Variants in OTOF observed in about 807,000 individuals in gnomAD.
The protein encoded by OTOF is otoferlin, also known as fer-1-like family member 2.
In OTOF, 218 loss-of-function variants were observed where a neutral mutation model predicts 236.8. The observed-to-expected ratio is 0.92, with a 90% CI of 0.82 to 1.03. The LOEUF (loss-of-function observed/expected upper bound fraction) is 1.03. Ranked by LOEUF, OTOF falls within the 50% of genes least tolerant of loss-of-function variation. The pLI, the probability that OTOF is intolerant of heterozygous loss-of-function variation, is 0.00. For missense variants in OTOF, 2,590 were observed against 2,694.4 expected (o/e 0.96, Z 0.86); for synonymous variants, 1,041 against 1,072.5 (o/e 0.97, Z 0.57).
At chr2:26,463,416 T>C (rs1325507518) in intron 41 of OTOF, 67 bp downstream of exon 41, 2 of 1,320,198 alleles carry the variant, frequency 1.5e-6, no homozygotes, top group East Asian at 2.5e-5. Context: ...GCAGGAAGGG[T>C]TGGGCCGTGG....
At chr2:26,463,348 G>T in intron 41 of OTOF, 135 bp downstream of exon 41, 1 of 758,270 alleles carries the variant, frequency 1.3e-6, no homozygotes, top group Non-Finnish European at 2.3e-6. Flanking sequence ...AGGCCCAGTG[G>T]CCACACCCAG....
chr2:26,506,160 G>A (rs915851695), intron 5 of OTOF, among the ~76,000 whole-genome samples: 2 of 152,110 alleles, frequency 1.3e-5, no homozygotes, highest in African/African-American at 4.8e-5. Flanking sequence ...AGTTTTTGTG[G>A]GCCTCCTCGT....
chr2:26,501,669 CAGTATAG>C, intron 8 of OTOF, 78 bp downstream of exon 8: 1 of 934,426 alleles, frequency 1.1e-6, no homozygotes, highest in Non-Finnish European at 1.8e-6. Context: ...ATCCATGCCT[CAGTATAG>C]TGGATAATGC....
chr2:26,505,628 G>A (rs575125068), intron 5 of OTOF, among the ~76,000 whole-genome samples: 8 of 152,350 alleles, frequency 5.3e-5, no homozygotes, highest in African/African-American at 9.6e-5. Flanking sequence ...GAGGTCACAC[G>A]GTGAGTGGCA....
rs1432489860 is a variant in OTOF at position 26,465,701 on chromosome 2, G to A, written c.4770C>T (p.Ala1590=). The change falls in exon 38 of 47, where the codon GCC becomes GCT. Residue 1590 remains alanine, a synonymous_variant. Transcript: ENST00000272371. ...LENRFYSKHR[A]TCGIAQTYST... ...AGTAGGTCTGGGCGATGCCGCAGGT[G>A]GCGCGGTGCTTGCTGTAGAAGCGGT... 6.2e-7 allele frequency: 1 copy of A among 1,614,272 alleles called. No individual in the cohort carries two copies. The highest frequency in any genetic ancestry group is 2.2e-5 in the East Asian group (1 of 44,892).
rs753301872 is a variant in OTOF at position 26,464,897 on chromosome 2, A to G, written c.4932T>C (p.Thr1644=). 2.5e-6 allele frequency: 4 copies of G among 1,601,006 alleles called. No homozygotes were observed. The highest frequency in any genetic ancestry group is 1.1e-5 in the South Asian group (1 of 87,972). Residue 1644 remains threonine (T), a synonymous_variant, in exon 39 of 47, where the codon ACT becomes ACC. Transcript: ENST00000272371. ...GRVKVANRVF[T]GPSEIEDENG... ...TCTCGTCCTCAATCTCAGAGGGCCCAGTGAAGACGCGGTTGGCCACCTTCA... is the reference window on the plus strand; with the variant it reads ...TCTCGTCCTCAATCTCAGAGGGCCCGGTGAAGACGCGGTTGGCCACCTTCA...
At chr2:26,551,842 G>T (rs2148136444) in intron 1 of OTOF, among the ~76,000 whole-genome samples, 1 of 152,246 alleles carries the variant, frequency 6.6e-6, no homozygotes, top group East Asian at 1.9e-4. Flanking sequence ...TCTTTAAAAT[G>T]ACAAAGTATG....
chr2:26,477,808 A>T lies in OTOF; in HGVS notation c.2215-59T>A, dbSNP rs771364564. ...CAGCCCCGCCTCCCCAGCCTCCCCA[A>T]ATGCCTCCTCCCTGTTGATCAGGGG... On this transcript the variant is annotated intron_variant, in intron 18 of 46. Transcript: ENST00000272371. This position sits in a 1 kb window ranked among gnomAD's most constrained non-coding sequence, Gnocchi z 4.7. 3.1e-6 allele frequency: 5 copies of T among 1,601,224 alleles called. No homozygotes were observed. The highest frequency in any genetic ancestry group is 4.3e-6 in the Non-Finnish European group (5 of 1,174,232).
Position 26,477,119 on chromosome 2 carries a change from GC to G in OTOF, c.2523+52del, listed in dbSNP as rs939759319. The G allele has an allele frequency of 1.3e-5, 20 of 1,576,720 alleles. No individual in the cohort carries two copies. The highest frequency in any genetic ancestry group is 3.9e-4 in the Middle Eastern group (2 of 5,132). On this transcript the variant is annotated intron_variant, in intron 21 of 46. Coordinates refer to ENST00000272371, the MANE Select transcript of OTOF (RefSeq NM_194248.3). The surrounding 1 kb of genome is among the most constrained non-coding windows in gnomAD (Gnocchi z 4.7). ...TGATTGAGCCCCCTGATCCTGAGGG[GC>G]CCCAGAGAGCCAGCCCTGGATGAGG...
intron 26 of OTOF, 69 bp from the exon 27 acceptor site, chr2:26,474,179 T>A (rs1665136963): frequency 6.2e-7 from 1 of 1,602,436 alleles, no homozygotes; most frequent in African/African-American, 1.3e-5. Context: ...CCATGAGTTG[T>A]TTGCCATGAT....
At chr2:26,539,777 TG>T (rs1175423745) in intron 1 of OTOF, among the ~76,000 whole-genome samples, 2 of 152,116 alleles carry the variant, frequency 1.3e-5, no homozygotes, top group Non-Finnish European at 2.9e-5. Flanking sequence ...TGGTTATCCC[TG>T]GGGAGGGAGA....
chr2:26,459,424 T>C lies in OTOF; in HGVS notation c.*17+584A>G, dbSNP rs923591033. ...AAAATTATCCAGGCGTGGTGGCGGG[T>C]GCCTGTAGTCCCAGCTACTCAGGAG... On this transcript the variant is annotated intron_variant, in intron 46 of 46. Transcript: ENST00000272371. Among the ~76,000 whole-genome samples, 119 of 151,826 alleles carry C rather than the reference T, an allele frequency of 7.8e-4. No individual in the cohort carries two copies. The Middle Eastern group carries it at 0.01, about 13-fold the overall frequency.
chr2:26,540,810 C>A (rs780045800), intron 1 of OTOF, among the ~76,000 whole-genome samples: 2 of 152,080 alleles, frequency 1.3e-5, no homozygotes, highest in African/African-American at 4.8e-5. Context: ...CAGAAGCTAT[C>A]TATACGGCAA....
chr2:26,461,708 CA>C lies in OTOF; in HGVS notation c.5520del (p.Asp1841ThrfsTer11), dbSNP rs767479112. 20 of 1,613,960 alleles carry C rather than the reference CA, an allele frequency of 1.2e-5. No homozygotes were observed. Among genetic ancestry groups the C allele is most frequent in the Non-Finnish European group, 1.5e-5 (18 of 1,180,028 alleles). ...CCCTGCTCTGCACCCAGGAAGTCGT[CA>C]GCGGAGAAGTGGTCCGCATCCCAGA... ...LQIWDADHFS[A>X]DDFLGAIELD... On this transcript the variant is annotated frameshift_variant, in exon 43 of 47. Coordinates refer to ENST00000272371, the MANE Select transcript of OTOF (RefSeq NM_194248.3). LOFTEE classifies it high-confidence loss of function. The surrounding 1 kb of genome is among the most constrained non-coding windows in gnomAD (Gnocchi z 6.2).
chr2:26,517,684 G>A (rs10205933), intron 4 of OTOF, among the ~76,000 whole-genome samples: 43,957 of 151,932 alleles, frequency 0.29, 6,618 homozygotes, highest in African/African-American at 0.37. Context: ...CTGGGTCTCC[G>A]TGCTGGCCCT....
At chr2:26,487,180 A>T (rs1002879020) in intron 11 of OTOF, among the ~76,000 whole-genome samples, 4 of 152,224 alleles carry the variant, frequency 2.6e-5, no homozygotes, top group Admixed American at 2.0e-4. Flanking sequence ...GACACCACCC[A>T]AAGCTTCCCA....
At chr2:26,475,546 G>A in intron 24 of OTOF, 53 bp from the exon 25 acceptor site, 1 of 1,596,288 alleles carries the variant, frequency 6.3e-7, no homozygotes, top group South Asian at 1.1e-5. Context: ...GGGGGCAGAT[G>A]CACAAACAGA....
At chr2:26,510,239 C>G (rs183331811) in intron 5 of OTOF, among the ~76,000 whole-genome samples, 1 of 152,150 alleles carries the variant, frequency 6.6e-6, no homozygotes, top group Non-Finnish European at 1.5e-5. Flanking sequence ...ACTCCACCCA[C>G]GACCTGCAGC....
rs111746551 is a variant in OTOF, at chr2:26,475,539, G to T, written c.2992-46C>A. On this transcript the variant is annotated intron_variant, in intron 24 of 46. Transcript: ENST00000272371. ...ACAGGGGACAAGTGACAGAGGGGGG[G>T]GCAGATGCACAAACAGAAGCCACCC... 89 of 1,603,072 alleles carry T rather than the reference G, an allele frequency of 5.6e-5. No individual in the cohort carries two copies. In the African/African-American group the frequency reaches 7.6e-4, roughly 14 times the overall value.
Sources: gnomAD v4.1 joint callset for allele counts (sites outside exome capture counted in the v4.1 genomes callset) on GRCh38, gnomAD v4.1.1 for gene constraint, Gnocchi (gnomAD v3.1) non-coding constraint, MANE v1.5 for transcripts, NCBI Gene and HGNC (gene_info 2026-07-23, HGNC 2026-07-21) for gene names.